LRRC61: variants seen among roughly 807,000 people sequenced by gnomAD.
The protein encoded by LRRC61 is leucine-rich repeat-containing protein 61.
Under a neutral mutation model 15.1 loss-of-function variants are expected in LRRC61, and 9 were observed. The ratio of observed to expected loss-of-function variants is 0.60; its 90% CI spans 0.36 to 1.04. The LOEUF is 1.04. LRRC61 is among the 50% of genes least tolerant of loss of function. The pLI, the probability that LRRC61 is intolerant of heterozygous loss-of-function variation, is 0.01. For missense variants in LRRC61, 344 were observed against 335.6 expected (o/e 1.03, Z -0.20); for synonymous variants, 173 against 158.6 (o/e 1.09, Z -0.68).
At chr7:150,319,543 A>G (rs1797282465), upstream of LRRC61, among the ~76,000 whole-genome samples, 1 of 152,186 alleles carries the variant, frequency 6.6e-6, no homozygotes, top group South Asian at 2.1e-4. Context: ...TAGCTCTGAC[A>G]TTCCACAAGG....
At chr7:150,314,825 A>G in the LRRC61 span, among the ~76,000 whole-genome samples, 2 of 149,508 alleles carry the variant, frequency 1.3e-5, no homozygotes, top group East Asian at 3.9e-4. Context: ...AGTGGCACAC[A>G]CCTGTAGTCC....
the LRRC61 span, among the ~76,000 whole-genome samples, chr7:150,317,898 G>A: frequency 6.6e-6 from 1 of 151,600 alleles, no homozygotes; most frequent in Non-Finnish European, 1.5e-5. Context: ...TGGGTTTATC[G>A]GCTCCTTGCA....
At chr7:150,315,739 A>C in the LRRC61 span, among the ~76,000 whole-genome samples, 1 of 152,218 alleles carries the variant, frequency 6.6e-6, no homozygotes, top group African/African-American at 2.4e-5. Flanking sequence ...AGCATGTAGA[A>C]GTAAACATAC....
the LRRC61 span, among the ~76,000 whole-genome samples, chr7:150,310,510 C>T: frequency 6.9e-5 from 10 of 144,334 alleles, no homozygotes; most frequent in African/African-American, 2.9e-4. Context: ...ATCAAATTGT[C>T]CTTCCCAACC....
At chr7:150,323,628 G>A (rs1329688814) in intron 1 of LRRC61, 68 bp downstream of exon 1, 2 of 455,038 alleles carry the variant, frequency 4.4e-6, no homozygotes, top group Non-Finnish European at 8.8e-6. Context: ...CCGGCCCCGG[G>A]GGGCCACCTG....
At chr7:150,318,654 C>T (rs550875655), upstream of LRRC61, among the ~76,000 whole-genome samples, 52 of 152,174 alleles carry the variant, frequency 3.4e-4, no homozygotes, top group Non-Finnish European at 6.0e-4. Flanking sequence ...TCCAGTTACT[C>T]GGGAGGCTGA....
chr7:150,328,794 T>G (rs1412868655), intron 2 of LRRC61: 1 of 152,234 alleles, frequency 6.6e-6, no homozygotes, highest in East Asian at 1.9e-4. Flanking sequence ...CAGCACAGGA[T>G]GGGTACAGGG....
chr7:150,319,584 G>T (rs1321935203), upstream of LRRC61, among the ~76,000 whole-genome samples: 1 of 152,208 alleles, frequency 6.6e-6, no homozygotes, highest in Admixed American at 6.5e-5. Flanking sequence ...AGTTAGGGCA[G>T]GATGGCAAAT....
At position 150,335,055 on chromosome 7, in the gene LRRC61, AAGG is replaced by A. The variant is rs899475485; in HGVS notation, c.-144-1660_-144-1658del. On this transcript the variant is annotated intron_variant, in intron 2 of 2. Transcript: ENST00000359623. The surrounding 1 kb of genome is among the most constrained non-coding windows in gnomAD (Gnocchi z 4.3). ...CAAAAAAAAAAAAAAAAAAGAAAAA[AAGG>A]AGCCCCTGGCATACAGTCACCCAGC... Among the ~76,000 whole-genome samples the A allele has an allele frequency of 6.6e-6, 1 of 151,548 alleles. No homozygotes were observed. The highest frequency in any genetic ancestry group is 2.4e-5 in the African/African-American group (1 of 41,328).
At chr7:150,336,270 C>T (rs948495429) in intron 2 of LRRC61, among the ~76,000 whole-genome samples, 2 of 152,188 alleles carry the variant, frequency 1.3e-5, no homozygotes, top group African/African-American at 2.4e-5. Flanking sequence ...GGCACATGTG[C>T]TCTCGTTTGC....
intron 2 of LRRC61, chr7:150,331,575 G>A (rs114973325): frequency 0.04 from 6,915 of 171,942 alleles, 291 homozygotes; most frequent in East Asian, 0.13. Context: ...TACTCTCTTC[G>A]TAGGTGACTG....
intron 2 of LRRC61, chr7:150,331,704 T>C (rs1271102655): frequency 6.0e-6 from 1 of 167,162 alleles, no homozygotes; most frequent in Admixed American, 6.5e-5. Context: ...TTAAGAGGCT[T>C]GCTTTCTCAA....
chr7:150,326,402 G>T (rs1455054323), intron 2 of LRRC61, among the ~76,000 whole-genome samples: 1 of 152,194 alleles, frequency 6.6e-6, no homozygotes, highest in Non-Finnish European at 1.5e-5. Context: ...TTTGGGGTGT[G>T]CTGGGTGCAG....
chr7:150,320,664 G>A (rs2129617681), upstream of LRRC61, among the ~76,000 whole-genome samples: 1 of 152,334 alleles, frequency 6.6e-6, no homozygotes, highest in East Asian at 1.9e-4. Context: ...TTCGAAGGCT[G>A]AAGCAGGAGA....
the LRRC61 span, among the ~76,000 whole-genome samples, chr7:150,317,210 G>A: frequency 1.3e-5 from 2 of 151,750 alleles, no homozygotes; most frequent in South Asian, 2.1e-4. Flanking sequence ...CAGCATGCCC[G>A]GCTAATTTTT....
chr7:150,326,870 C>A (rs1386863704), intron 2 of LRRC61, among the ~76,000 whole-genome samples: 3 of 152,150 alleles, frequency 2.0e-5, no homozygotes, highest in Non-Finnish European at 2.9e-5. Flanking sequence ...TGCAGCTTTA[C>A]CTAGCCCCTA....
chr7:150,336,669 T>C lies in LRRC61; in HGVS notation c.-144-49T>C. Reference sequence around the variant, plus strand: ...GGTCAGACTCCCTGCCGTCACCTGCTGCGTAAGACACAGAAAGTGCTGCCT... The same window carrying C: ...GGTCAGACTCCCTGCCGTCACCTGCCGCGTAAGACACAGAAAGTGCTGCCT... On this transcript the variant is annotated intron_variant, in intron 2 of 2. Transcript: ENST00000359623. 4.4e-6 allele frequency: 3 copies of C among 684,808 alleles called. No homozygotes were observed. In the East Asian group the frequency reaches 8.3e-5, roughly 19 times the overall value. The allele number at this position is 684,808 out of a possible 1,614,324, so 42.4% of individuals were successfully genotyped here. A position where few individuals can be genotyped will look rare whatever the true frequency, so the allele number is the denominator to read the frequency against.
chr7:150,314,229 G>A, the LRRC61 span, among the ~76,000 whole-genome samples: 5 of 152,222 alleles, frequency 3.3e-5, no homozygotes, highest in African/African-American at 7.2e-5. Context: ...GTGACTTTAT[G>A]TGACCAGTTT....
the LRRC61 span, among the ~76,000 whole-genome samples, chr7:150,314,607 T>G: frequency 1.3e-5 from 2 of 152,062 alleles, no homozygotes; most frequent in African/African-American, 4.8e-5. Flanking sequence ...GAAGCAATAT[T>G]TTTGTGCTTT....
Sources: allele counts gnomAD v4.1 joint callset (sites outside exome capture counted in the v4.1 genomes callset), GRCh38; gene constraint gnomAD v4.1.1; non-coding constraint Gnocchi (gnomAD v3.1); transcripts MANE v1.5; gene names NCBI Gene and HGNC (gene_info 2026-07-23, HGNC 2026-07-21).